The following CNTNAP2 variants were observed in gnomAD, a reference collection of about 807,000 sequenced individuals.
The protein encoded by CNTNAP2 is contactin-associated protein-like 2.
CNTNAP2 carries 98 observed loss-of-function variants against 155.2 expected under a neutral mutation model. That is an observed-to-expected ratio of 0.63 (90% CI 0.54 to 0.75). CNTNAP2 has a LOEUF of 0.75. Among genes scored for constraint, CNTNAP2 ranks in the 30% least tolerant of loss-of-function variants. The pLI is 0.00. For synonymous variants in CNTNAP2, 651 were observed against 631.2 expected (o/e 1.03, Z -0.47); for missense variants, 1,727 against 1,688.1 (o/e 1.02, Z -0.40).
intron 1 of CNTNAP2, among the ~76,000 whole-genome samples, chr7:146,474,729 A>C (rs748948323): frequency 2.0e-5 from 3 of 152,246 alleles, no homozygotes; most frequent in Non-Finnish European, 4.4e-5. Context: ...TTTAAGAATT[A>C]TAGTGTATTA....
intron 10 of CNTNAP2, among the ~76,000 whole-genome samples, chr7:147,456,561 A>G (rs1797921415): frequency 6.6e-6 from 1 of 152,150 alleles, no homozygotes; most frequent in African/African-American, 2.4e-5. Flanking sequence ...GTGTGCCTAG[A>G]ACAATGAGAT....
intron 20 of CNTNAP2, among the ~76,000 whole-genome samples, chr7:148,259,864 C>T (rs1796526135): frequency 6.6e-6 from 1 of 152,234 alleles, no homozygotes; most frequent in Non-Finnish European, 1.5e-5. Context: ...AAATGTTGAA[C>T]AAGTTAGTGT....
At chr7:148,078,290 C>G (rs984349483) in intron 15 of CNTNAP2, among the ~76,000 whole-genome samples, 1 of 152,148 alleles carries the variant, frequency 6.6e-6, no homozygotes, top group African/African-American at 2.4e-5. Context: ...TCTCAAACTT[C>G]TGGCATCAAG....
chr7:146,636,495 C>T (rs1379252647), intron 1 of CNTNAP2, among the ~76,000 whole-genome samples: 3 of 151,994 alleles, frequency 2.0e-5, no homozygotes, highest in African/African-American at 7.3e-5. Flanking sequence ...CAATTTTTGC[C>T]TCTTATAATT....
chr7:147,135,724 T>A (rs1331801726), intron 8 of CNTNAP2, among the ~76,000 whole-genome samples: 1 of 151,688 alleles, frequency 6.6e-6, no homozygotes, highest in African/African-American at 2.4e-5. Flanking sequence ...AAAACTTGCC[T>A]TGCTATTTTA....
intron 3 of CNTNAP2, among the ~76,000 whole-genome samples, chr7:146,972,538 C>A (rs974816153): frequency 2.0e-5 from 3 of 152,028 alleles, no homozygotes; most frequent in Admixed American, 6.6e-5. Context: ...CCATATAAAG[C>A]AGGTAATATA....
At chr7:148,294,310 A>G (rs557937521) in intron 21 of CNTNAP2, among the ~76,000 whole-genome samples, 7 of 152,298 alleles carry the variant, frequency 4.6e-5, no homozygotes, top group African/African-American at 1.4e-4. Context: ...ATACTCTCTA[A>G]GCATCTATGT....
chr7:148,202,245 T>C (rs1795380451), intron 18 of CNTNAP2, among the ~76,000 whole-genome samples: 1 of 152,190 alleles, frequency 6.6e-6, no homozygotes. Flanking sequence ...CAAATCAGGC[T>C]TGGCACGCAC....
intron 15 of CNTNAP2, among the ~76,000 whole-genome samples, chr7:148,100,159 C>T (rs977247531): frequency 2.6e-5 from 4 of 151,748 alleles, no homozygotes; most frequent in Admixed American, 6.6e-5. Context: ...TGTGAGACAC[C>T]GCGCCCGGCC....
intron 8 of CNTNAP2, among the ~76,000 whole-genome samples, chr7:147,264,413 A>G (rs540803824): frequency 1.3e-5 from 2 of 152,078 alleles, no homozygotes; most frequent in South Asian, 2.1e-4. Context: ...GATACGTAGA[A>G]TGGTAGAACA....
chr7:147,281,683 A>G (rs1209281889), intron 8 of CNTNAP2, among the ~76,000 whole-genome samples: 3 of 151,876 alleles, frequency 2.0e-5, no homozygotes, highest in Admixed American at 6.6e-5. Flanking sequence ...ATTCATGAAT[A>G]TATTCATAAG....
At chr7:147,566,358 G>A (rs1369376289) in intron 12 of CNTNAP2, among the ~76,000 whole-genome samples, 1 of 125,448 alleles carries the variant, frequency 8.0e-6, no homozygotes, top group Non-Finnish European at 1.7e-5. Context: ...AAGGAAGGGG[G>A]AGGGGGAAGG....
chr7:146,670,887 C>A (rs1458637902), intron 1 of CNTNAP2, among the ~76,000 whole-genome samples: 1 of 152,186 alleles, frequency 6.6e-6, no homozygotes, highest in Non-Finnish European at 1.5e-5. Context: ...AGATCCCTGT[C>A]TTATTCATGT....
chr7:147,595,562 G>T, intron 12 of CNTNAP2, among the ~76,000 whole-genome samples: 1 of 152,180 alleles, frequency 6.6e-6, no homozygotes, highest in East Asian at 1.9e-4. Context: ...TTGAAATAAT[G>T]TATTCGATGG....
chr7:146,351,352 C>T (rs1394854575), intron 1 of CNTNAP2, among the ~76,000 whole-genome samples: 1 of 151,960 alleles, frequency 6.6e-6, no homozygotes, highest in East Asian at 1.9e-4. Context: ...GCAAAATTAT[C>T]AAGGTTACCA....
intron 3 of CNTNAP2, among the ~76,000 whole-genome samples, chr7:147,042,329 G>T (rs1019532824): frequency 8.5e-5 from 13 of 152,130 alleles, no homozygotes; most frequent in Non-Finnish European, 1.9e-4. Flanking sequence ...TGGATTGCTG[G>T]TACCATCTAA....
At chr7:147,944,608 G>A (rs916962967) in intron 14 of CNTNAP2, among the ~76,000 whole-genome samples, 1 of 152,162 alleles carries the variant, frequency 6.6e-6, no homozygotes, top group Non-Finnish European at 1.5e-5. Flanking sequence ...ACAGTCAACT[G>A]TTATACATAA....
intron 1 of CNTNAP2, among the ~76,000 whole-genome samples, chr7:146,417,425 A>G (rs1795953228): frequency 6.6e-6 from 1 of 152,162 alleles, no homozygotes; most frequent in Non-Finnish European, 1.5e-5. Context: ...TCTGGTAAGA[A>G]GAGCTCTCAA....
chr7:146,448,278 GA>G (rs1362968193), intron 1 of CNTNAP2, among the ~76,000 whole-genome samples: 9 of 151,912 alleles, frequency 5.9e-5, no homozygotes, highest in Non-Finnish European at 1.3e-4. Flanking sequence ...AATTTTCTAA[GA>G]CAAAACAGCT....
Sources: gnomAD v4.1 joint callset for allele counts (sites outside exome capture counted in the v4.1 genomes callset) on GRCh38, gnomAD v4.1.1 for gene constraint, MANE v1.5 for transcripts, NCBI Gene and HGNC (gene_info 2026-07-23, HGNC 2026-07-21) for gene names.